DMD: variants seen among roughly 807,000 people sequenced by gnomAD.
The protein encoded by DMD is mutant dystrophin.
DMD carries 63 observed loss-of-function variants against 330.1 expected under a neutral mutation model. The observed-to-expected ratio is 0.19, with a 90% CI of 0.16 to 0.24. The LOEUF (loss-of-function observed/expected upper bound fraction) is 0.24. Among genes scored for constraint, DMD ranks in the 10% least tolerant of loss-of-function variants. The pLI, the probability that DMD is intolerant of heterozygous loss-of-function variation, is 1.00. For missense variants in DMD, 3,344 were observed against 2,684.1 expected, an observed-to-expected ratio of 1.25 and a Z score of -5.43; for synonymous variants, 1,223 against 959.8, an observed-to-expected ratio of 1.27 and a Z score of -5.07.
intron 4 of DMD, among the ~76,000 whole-genome samples, chrX:32,834,235 G>A (rs1370662269): frequency 9.0e-6 from 1 of 111,077 alleles, no homozygotes; most frequent in Non-Finnish European, 1.9e-5. Flanking sequence ...ATATTTTACA[G>A]GCCTATTGTG....
At chrX:32,965,910 G>A (rs1361778868) in intron 2 of DMD, among the ~76,000 whole-genome samples, 1 of 111,537 alleles carries the variant, frequency 9.0e-6, no homozygotes, top group African/African-American at 3.3e-5. Context: ...GTTAGTTTAT[G>A]AACTTCAGTC....
rs1188373666 is a variant in DMD at position 31,121,485 on chromosome X, A to G, written c.*434T>C. On this transcript the variant is annotated 3_prime_UTR_variant, in exon 79 of 79. Transcript: ENST00000357033. ...TTGTTTTGTTTTTAGGGGTTTTTAT[A>G]AACAACTTTTTTTTATAAAGCACAC... The G allele has an allele frequency of 2.3e-5, 4 of 171,438 alleles. No homozygotes were observed. Among genetic ancestry groups the G allele is most frequent in the Non-Finnish European group, 4.3e-5 (4 of 92,461 alleles). 14.1% of individuals were successfully genotyped at this position (171,438 alleles called of 1,213,427 possible).
intron 44 of DMD, among the ~76,000 whole-genome samples, chrX:31,981,550 G>T (rs978189036): frequency 4.7e-4 from 52 of 111,391 alleles, no homozygotes; most frequent in African/African-American, 1.7e-3. Context: ...CGTGATAATG[G>T]TAAAGACAAC....
At chrX:31,397,496 G>A (rs5927748) in intron 60 of DMD, among the ~76,000 whole-genome samples, 21,051 of 111,575 alleles carry the variant, frequency 0.19, 1,777 homozygotes, top group South Asian at 0.39. Flanking sequence ...TCACTTGTTC[G>A]TGGACTTTAC....
chrX:32,923,581 A>G (rs913379441), intron 2 of DMD, among the ~76,000 whole-genome samples: 2 of 111,049 alleles, frequency 1.8e-5, no homozygotes, highest in Admixed American at 1.9e-4. Context: ...AACAAAAACA[A>G]AAAATCAACT....
At chrX:32,995,829 A>G (rs2093104717) in intron 2 of DMD, among the ~76,000 whole-genome samples, 1 of 111,874 alleles carries the variant, frequency 8.9e-6, no homozygotes, top group African/African-American at 3.2e-5. Flanking sequence ...ATTACTTCCA[A>G]ATCAACACAA....
intron 4 of DMD, among the ~76,000 whole-genome samples, chrX:32,840,002 C>G (rs1442698961): frequency 8.9e-6 from 1 of 111,996 alleles, no homozygotes; most frequent in African/African-American, 3.2e-5. Flanking sequence ...AGCCACCGCG[C>G]CCAGCCTAGA....
At position 31,864,537 on chromosome X, in the gene DMD, C is replaced by T. The variant is rs141055969; in HGVS notation, c.7098+10651G>A. 6.7e-3 allele frequency among the ~76,000 whole-genome samples: 640 copies of T among 94,922 alleles called. 7 individuals carry two copies. Among genetic ancestry groups the T allele is most frequent in the African/African-American group, 0.026 (601 of 23,194 alleles). The allele number at this position is 94,922 out of a possible 115,157, so 82.4% of individuals were successfully genotyped here. A position where few individuals can be genotyped will look rare whatever the true frequency, so the allele number is the denominator to read the frequency against. ...AGAAGTCTTGCTCTATTCCCCATGC[C>T]GGAGTGCAGTGGTGTGATCTTGGCT... On this transcript the variant is annotated intron_variant, in intron 48 of 78. Transcript: ENST00000357033.
At chrX:32,848,976 A>G (rs905882022) in intron 3 of DMD, among the ~76,000 whole-genome samples, 1 of 111,086 alleles carries the variant, frequency 9.0e-6, no homozygotes, top group Non-Finnish European at 1.9e-5. Context: ...ATAATATGAC[A>G]AAATCTGTGT....
intron 2 of DMD, among the ~76,000 whole-genome samples, chrX:32,925,151 T>TTTTG (rs201782496): frequency 0.029 from 2,448 of 85,497 alleles, 50 homozygotes; most frequent in African/African-American, 0.067. Flanking sequence ...CTGGGTTTTT[T>TTTTG]TTTTTTTTTT....
chrX:33,052,895 G>A (rs745741760), intron 1 of DMD, among the ~76,000 whole-genome samples: 2 of 111,276 alleles, frequency 1.8e-5, no homozygotes, highest in South Asian at 3.8e-4. Context: ...ACTATGCATT[G>A]TATGTCTGTA....
At position 31,453,237 on chromosome X, in the gene DMD, C is replaced by T. The variant is rs190586627; in HGVS notation, c.8938-8610G>A. On this transcript the variant is annotated intron_variant, in intron 59 of 78. Transcript: ENST00000357033. The stretch of plus-strand genomic sequence containing the variant: ...GTGGTGTGATCTCGATCTCAGCTCA[C>T]TGCAACCTCCGCCTCCCAGGTTCAA... 5.0e-3 allele frequency among the ~76,000 whole-genome samples: 561 copies of T among 111,292 alleles called. 3 individuals are homozygous for T. The highest frequency in any genetic ancestry group is 0.013 in the African/African-American group (405 of 30,562).
chrX:31,641,831 T>A (rs978285365), intron 54 of DMD, among the ~76,000 whole-genome samples: 1 of 112,160 alleles, frequency 8.9e-6, no homozygotes. Context: ...CCAGGACTCT[T>A]ACAACATATG....
intron 47 of DMD, among the ~76,000 whole-genome samples, chrX:31,889,973 T>C (rs746768815): frequency 1.1e-4 from 12 of 110,575 alleles, no homozygotes; most frequent in Non-Finnish European, 2.1e-4. Flanking sequence ...AACTAAGTCA[T>C]GATCTGTACA....
rs146517753 is a variant in DMD at position 31,478,237 on chromosome X, G to C, written c.8806C>G (p.Leu2936Val). The change falls in exon 59 of 79, where the codon CTC (leucine) becomes GTC (valine). Residue 2936 changes from leucine to valine, a missense_variant. Transcript: ENST00000357033. ...TCCGTGGCCTCTTGAAGTTCCCGGA[G>C]TCTTTCAAGGGTCTCATCTATTTTT... The part of the protein sequence containing the change: ...QRKIDETLER[L>V]RELQEATDEL... 2 of 1,208,999 alleles carry C rather than the reference G, an allele frequency of 1.7e-6. No homozygotes were observed. The highest frequency in any genetic ancestry group is 1.8e-5 in the African/African-American group (1 of 56,833).
rs763725829 is a variant in DMD at position 32,441,173 on chromosome X, A to G, written c.3921+7T>C. On this transcript the variant is annotated splice_region_variant and intron_variant, in intron 28 of 78. Transcript: ENST00000357033. ...ATTATCATCATTTGGCTTAATTTAC[A>G]ACTTACATCTAGCACCTCAGAGATT... The G allele has an allele frequency of 8.3e-7, 1 of 1,208,320 alleles. No homozygotes were observed. The highest frequency in any genetic ancestry group is 1.8e-5 in the South Asian group (1 of 56,933).
chrX:31,725,252 T>C (rs1174266957), intron 52 of DMD, among the ~76,000 whole-genome samples: 1 of 111,441 alleles, frequency 9.0e-6, no homozygotes, highest in Non-Finnish European at 1.9e-5. Flanking sequence ...ACCTATTAAA[T>C]TTATAGATAA....
chrX:32,998,368 C>CAAAAAAA (rs35708010), intron 2 of DMD, among the ~76,000 whole-genome samples: 1 of 34,684 alleles, frequency 2.9e-5, no homozygotes, highest in Non-Finnish European at 5.5e-5. Context: ...GACCCAGTGT[C>CAAAAAAA]AAAAAAAAAA....
chrX:31,643,551 AT>A (rs1230706040), intron 54 of DMD, among the ~76,000 whole-genome samples: 1 of 112,118 alleles, frequency 8.9e-6, no homozygotes. Flanking sequence ...TATCAGTGTA[AT>A]TTTGATGTTA....
Sources: gnomAD v4.1 joint callset for allele counts (sites outside exome capture counted in the v4.1 genomes callset) on GRCh38, gnomAD v4.1.1 for gene constraint, MANE v1.5 for transcripts, NCBI Gene and HGNC (gene_info 2026-07-23, HGNC 2026-07-21) for gene names.